THRA: variants seen among roughly 807,000 people sequenced by gnomAD.
The protein encoded by THRA is thyroid hormone receptor alpha.
A neutral mutation model predicts 45.0 loss-of-function variants in THRA; 13 were observed. The ratio of observed to expected loss-of-function variants is 0.29; its 90% CI spans 0.19 to 0.46. The LOEUF (loss-of-function observed/expected upper bound fraction) is 0.46. THRA is among the 20% of genes least tolerant of loss of function. The pLI is 1.00. For synonymous variants in THRA, 195 were observed against 214.0 expected (o/e 0.91, Z 0.78); for missense variants, 278 against 556.1 (o/e 0.50, Z 5.03).
At chr17:40,087,073 C>T in intron 7 of THRA, 1 of 568,630 alleles carries the variant, frequency 1.8e-6, no homozygotes, top group Non-Finnish European at 3.1e-6. Context: ...ACACACACAC[C>T]TAGCATACAG....
Position 40,090,067 on chromosome 17 carries a change from TAGAG to T in THRA, c.*617_*620del, listed in dbSNP as rs1011839803. ...AATACAAAAAAGAGAGAGCGAGCGATAGAGAGAGATGATATTAAGTTATTAACTG... is the reference window on the plus strand; with the variant it reads ...AATACAAAAAAGAGAGAGCGAGCGATAGAGATGATATTAAGTTATTAACTG... On this transcript the variant is annotated 3_prime_UTR_variant, in exon 9 of 9. Transcript: ENST00000450525. 45 of 977,260 alleles carry T rather than the reference TAGAG, an allele frequency of 4.6e-5. No homozygotes were observed. Among genetic ancestry groups the T allele is most frequent in the South Asian group, 1.9e-4 (4 of 21,164 alleles). The allele number at this position is 977,260 out of a possible 1,614,324, so 60.5% of individuals were successfully genotyped here.
intron 1 of THRA, among the ~76,000 whole-genome samples, chr17:40,072,360 C>A (rs981023250): frequency 2.0e-5 from 3 of 152,182 alleles, no homozygotes; most frequent in Non-Finnish European, 4.4e-5. Context: ...CTCCCCGGGG[C>A]TGCCCCTCTC....
chr17:40,069,531 G>A (rs565394713), intron 1 of THRA, among the ~76,000 whole-genome samples: 4 of 152,112 alleles, frequency 2.6e-5, no homozygotes, highest in Non-Finnish European at 5.9e-5. Flanking sequence ...CCTTGGCCCC[G>A]TGACATTCAT....
At chr17:40,067,930 G>A (rs1986629773) in intron 1 of THRA, among the ~76,000 whole-genome samples, 1 of 152,216 alleles carries the variant, frequency 6.6e-6, no homozygotes, top group Non-Finnish European at 1.5e-5. Flanking sequence ...TGAGGCCGGA[G>A]GATCGCTTAA....
At chr17:40,084,900 G>GTCT (rs1159695589) in intron 6 of THRA, 85 bp downstream of exon 6, 1 of 1,490,318 alleles carries the variant, frequency 6.7e-7, no homozygotes, top group Non-Finnish European at 9.2e-7. Context: ...CCTCCAGGAA[G>GTCT]TCTTCTTAGT....
chr17:40,076,797 G>C, intron 2 of THRA, 74 bp from the exon 3 acceptor site: 1 of 1,500,104 alleles, frequency 6.7e-7, no homozygotes, highest in Non-Finnish European at 9.3e-7. Flanking sequence ...TTGGGGGATT[G>C]CATAAGCCTC....
At position 40,089,743 on chromosome 17, in the gene THRA, G is replaced by A; in HGVS notation, c.*287G>A. 1 of 1,279,546 alleles carries A rather than the reference G, an allele frequency of 7.8e-7. No individual in the cohort carries two copies. Among genetic ancestry groups the A allele is most frequent in the Non-Finnish European group, 1.0e-6 (1 of 1,004,356 alleles). 79.3% of individuals were successfully genotyped at this position (1,279,546 alleles called of 1,614,324 possible). On this transcript the variant is annotated 3_prime_UTR_variant, in exon 9 of 9. Coordinates refer to ENST00000450525, the MANE Select transcript of THRA (RefSeq NM_199334.5). The surrounding 1 kb of genome is among the most constrained non-coding windows in gnomAD (Gnocchi z 6.1). ...CCCATCCTCTCAGAAGGTAGGGGAA[G>A]GGCGGGAGGATTGAGAAGGGACAAG...
chr17:40,081,108 A>G (rs1016477572), intron 4 of THRA, among the ~76,000 whole-genome samples: 3 of 152,046 alleles, frequency 2.0e-5, no homozygotes, highest in South Asian at 2.1e-4. Context: ...TCTGCTGCCC[A>G]CCGGCCACAT....
intron 1 of THRA, among the ~76,000 whole-genome samples, chr17:40,071,075 C>A (rs1986758755): frequency 6.6e-6 from 1 of 151,630 alleles, no homozygotes; most frequent in South Asian, 2.1e-4. Flanking sequence ...CTCCCTTCTT[C>A]CCTCTTTCCC....
intron 1 of THRA, among the ~76,000 whole-genome samples, chr17:40,064,259 C>T (rs1986471874): frequency 1.3e-5 from 2 of 152,142 alleles, no homozygotes; most frequent in South Asian, 2.1e-4. Context: ...CAGGGTCACA[C>T]GTAGATGCTG....
At chr17:40,077,810 C>T (rs926518500) in intron 4 of THRA, among the ~76,000 whole-genome samples, 1 of 152,102 alleles carries the variant, frequency 6.6e-6, no homozygotes, top group Non-Finnish European at 1.5e-5. Context: ...GATTCCCCTA[C>T]CTCGGCCTCC....
At chr17:40,079,151 G>A (rs183965850) in intron 4 of THRA, among the ~76,000 whole-genome samples, 1 of 152,198 alleles carries the variant, frequency 6.6e-6, no homozygotes, top group Non-Finnish European at 1.5e-5. Flanking sequence ...CAGTACTGGG[G>A]GGGTAGTGGG....
At position 40,092,739 on chromosome 17, in the gene THRA, CT is replaced by C; in HGVS notation, c.*3285del. On this transcript the variant is annotated 3_prime_UTR_variant, in exon 9 of 9. Coordinates refer to ENST00000450525, the MANE Select transcript of THRA (RefSeq NM_199334.5). ...AGATGGAGAGGTGGCCCCCCCCAGC[CT>C]TGGCAGTATTTCCACCCCACCCCCC... is the stretch of plus-strand genomic sequence containing the variant. The C allele has an allele frequency of 3.0e-6, 1 of 337,428 alleles. No individual in the cohort carries two copies. Among genetic ancestry groups the C allele is most frequent in the South Asian group, 4.8e-5 (1 of 20,862 alleles). The allele number at this position is 337,428 out of a possible 1,614,324, so 20.9% of individuals were successfully genotyped here.
intron 2 of THRA, 121 bp downstream of exon 2, chr17:40,074,662 C>A: frequency 9.8e-7 from 1 of 1,022,014 alleles, no homozygotes; most frequent in Non-Finnish European, 1.5e-6. Context: ...GGCCAGCAAG[C>A]CTTCTGCCTA....
rs185942481 is a variant in THRA at position 40,079,600 on chromosome 17, A to C, written c.222+1992A>C. Among the ~76,000 whole-genome samples the C allele has an allele frequency of 2.1e-3, 326 of 152,244 alleles. 2 individuals carry two copies. The highest frequency in any genetic ancestry group is 7.6e-3 in the African/African-American group (314 of 41,546). On this transcript the variant is annotated intron_variant, in intron 4 of 8. Transcript: ENST00000450525. Reference sequence around the variant, plus strand: ...TCCTAAAAATGCAAGGCCTTCCAAGAAACAGAATTATTTAAATCCCAGCAC... The same window carrying C: ...TCCTAAAAATGCAAGGCCTTCCAAGCAACAGAATTATTTAAATCCCAGCAC...
At chr17:40,072,434 CG>C (rs1239812766) in intron 1 of THRA, among the ~76,000 whole-genome samples, 1 of 152,138 alleles carries the variant, frequency 6.6e-6, no homozygotes, top group African/African-American at 2.4e-5. Context: ...CTCCGGCTGG[CG>C]AGTGGATTTT....
intron 4 of THRA, among the ~76,000 whole-genome samples, chr17:40,080,413 AAAAC>A (rs1987097270): frequency 6.6e-6 from 1 of 151,392 alleles, no homozygotes; most frequent in African/African-American, 2.4e-5. Context: ...TTAAAAACAA[AAAAC>A]AAACAAAAAA....
intron 4 of THRA, among the ~76,000 whole-genome samples, chr17:40,081,227 G>A (rs1343009847): frequency 6.6e-6 from 1 of 152,048 alleles, no homozygotes; most frequent in Admixed American, 6.5e-5. Context: ...TCACTGTGAT[G>A]TTCCATGAAA....
intron 1 of THRA, among the ~76,000 whole-genome samples, chr17:40,067,549 G>A (rs1363244549): frequency 3.9e-5 from 6 of 152,208 alleles, no homozygotes; most frequent in Non-Finnish European, 7.3e-5. Context: ...GGTGGGCACA[G>A]CACTTTGAGA....
Sources: gnomAD v4.1 joint callset for allele counts (sites outside exome capture counted in the v4.1 genomes callset) on GRCh38, gnomAD v4.1.1 for gene constraint, Gnocchi (gnomAD v3.1) non-coding constraint, MANE v1.5 for transcripts, NCBI Gene and HGNC (gene_info 2026-07-23, HGNC 2026-07-21) for gene names.